Variants in NOTCH2 observed in about 807,000 individuals in gnomAD.
NOTCH2 encodes neurogenic locus notch homolog protein 2.
In NOTCH2, 29 loss-of-function variants were observed where a neutral mutation model predicts 235.8. The ratio of observed to expected loss-of-function variants is 0.12; its 90% confidence interval spans 0.09 to 0.17. NOTCH2 has a LOEUF of 0.17. Among genes scored for constraint, NOTCH2 ranks in the 10% least tolerant of loss-of-function variants. NOTCH2 has a pLI of 1.00. For missense variants in NOTCH2, 2,285 were observed against 3,150.2 expected, an observed-to-expected ratio of 0.73 and a Z score of 6.57; for synonymous variants, 1,086 against 1,141.5, an observed-to-expected ratio of 0.95 and a Z score of 0.98.
rs1489885789 is a variant in NOTCH2, at chr1:120,009,797, C to A, written c.156-4209G>T. 3.3e-5 allele frequency among the ~76,000 whole-genome samples: 5 copies of A among 150,030 alleles called. No homozygotes were observed. The East Asian group carries it at 9.7e-4, about 29-fold the overall frequency. Reference sequence around the variant, plus strand: ...ACTCAAAACCCAGTGAAGTCTTAGTCTGGATTGCTGATTTCTCCTTCTTCC... The same window carrying A: ...ACTCAAAACCCAGTGAAGTCTTAGTATGGATTGCTGATTTCTCCTTCTTCC... On this transcript the variant is annotated intron_variant, in intron 2 of 33. Coordinates refer to ENST00000256646, the MANE Select transcript of NOTCH2 (RefSeq NM_024408.4).
intron 21 of NOTCH2, 118 bp from the exon 22 acceptor site, chr1:119,935,722 T>C (rs1553195668): frequency 1.7e-6 from 2 of 1,148,866 alleles, no homozygotes; most frequent in Admixed American, 1.9e-5. Flanking sequence ...ATTTAGCTTT[T>C]GTATGTTTTC....
At position 119,948,494 on chromosome 1, in the gene NOTCH2, G is replaced by A. The variant is rs781871444; in HGVS notation, c.2672C>T (p.Thr891Ile). The A allele has an allele frequency of 2.5e-6, 4 of 1,614,134 alleles. No individual in the cohort carries two copies. The East Asian group carries it at 8.9e-5, about 36-fold the overall frequency. The change falls in exon 17 of 34, where the codon ACC becomes ATC. Residue 891 changes from threonine (T) to isoleucine (I), a missense_variant. By Grantham distance (89) the Thr-to-Ile change is moderately conservative. Around this residue, in one of 6 missense-constraint regions of NOTCH2, gnomAD observed 1,173 missense variants for 1,515.3 expected, o/e 0.77. Coordinates refer to ENST00000256646, the MANE Select transcript of NOTCH2 (RefSeq NM_024408.4). ...PCMNHGLCHN[T>I]QGSYMCECPP... is the part of the protein sequence containing the mutation. ...ACATTCACACATGTAGCTGCCCTGG[G>A]TGTTATGGCAGAGACCATGGTTCAT...
At chr1:119,959,271 A>G (rs1650845931) in intron 12 of NOTCH2, 121 bp downstream of exon 12, 1 of 710,470 alleles carries the variant, frequency 1.4e-6, no homozygotes, top group Admixed American at 2.1e-5. Context: ...AGAGAAACAG[A>G]CTACTAACCC....
chr1:119,964,547 G>A (rs1399693204), intron 10 of NOTCH2, among the ~76,000 whole-genome samples: 3 of 152,148 alleles, frequency 2.0e-5, no homozygotes, highest in African/African-American at 7.2e-5. Flanking sequence ...CAAAAAGAAA[G>A]AAAGTGGCTC....
In NOTCH2 at chr1:120,053,280, TCTC is replaced by T. The variant is rs1419175259; in HGVS notation, c.73+16051_73+16053del. ...TGCTCAGGAATTACAAGTACAATAA[TCTC>T]CTCAACCTCCCCTAGCCTTTCCTAG... On this transcript the variant is annotated intron_variant, in intron 1 of 33. Coordinates refer to ENST00000256646, the MANE Select transcript of NOTCH2 (RefSeq NM_024408.4). Among the ~76,000 whole-genome samples the T allele has an allele frequency of 6.1e-5, 2 of 32,866 alleles. 1 individual carries two copies. Among genetic ancestry groups the T allele is most frequent in the Admixed American group, 6.0e-4 (2 of 3,358 alleles). The allele number at this position is 32,866 out of a possible 152,430, so 21.6% of individuals were successfully genotyped here.
Position 119,922,450 on chromosome 1 carries a change from A to C in NOTCH2, c.5003-4T>G. 1 of 1,610,420 alleles carries C rather than the reference A, an allele frequency of 6.2e-7. No homozygotes were observed. Among genetic ancestry groups the C allele is most frequent in the Admixed American group, 1.7e-5 (1 of 59,206 alleles). ...CGTTCTGGAGTCAGGGATTCACCTG[A>C]AAGTCCACAGAGACAGGGAAAGTGC... On this transcript the variant is annotated splice_region_variant and splice_polypyrimidine_tract_variant and intron_variant, in intron 27 of 33. Coordinates refer to ENST00000256646, the MANE Select transcript of NOTCH2 (RefSeq NM_024408.4).
chr1:119,966,316 C>T, intron 9 of NOTCH2, 60 bp downstream of exon 9: 1 of 1,098,890 alleles, frequency 9.1e-7, no homozygotes, highest in East Asian at 2.4e-5. Flanking sequence ...CTGCTCTCTT[C>T]CCTGTGGTCA....
rs1649820092 is a variant in NOTCH2, at chr1:119,935,579, T to C, written c.3548A>G (p.Asn1183Ser). The C allele has an allele frequency of 6.2e-7, 1 of 1,614,168 alleles. No individual in the cohort carries two copies. The highest frequency in any genetic ancestry group is 8.5e-7 in the Non-Finnish European group (1 of 1,180,018). ...CECVPGYQGVNCEYEVDECQN... is the reference protein window; with the variant it reads ...CECVPGYQGVSCEYEVDECQN... ...GCACTCATCCACTTCATACTCACAG[T>C]TGACACCCTGATAGCCTGGGACACA... Residue 1183 changes from asparagine (N) to serine (S), a missense_variant, in exon 22 of 34, where the codon AAC becomes AGC. This residue lies in a region of NOTCH2 where 1,173 missense variants were observed against 1,515.3 expected (regional missense o/e 0.77). Transcript: ENST00000256646.
At chr1:119,923,383 G>T (rs1419418286) in intron 26 of NOTCH2, among the ~76,000 whole-genome samples, 8 of 152,184 alleles carry the variant, frequency 5.3e-5, no homozygotes, top group Non-Finnish European at 1.2e-4. Flanking sequence ...CTGGCAAAAG[G>T]TTATGGATTC....
intron 19 of NOTCH2, among the ~76,000 whole-genome samples, chr1:119,938,298 T>C (rs1286264669): frequency 6.6e-6 from 1 of 151,940 alleles, no homozygotes; most frequent in Non-Finnish European, 1.5e-5. Flanking sequence ...CTAATTGATA[T>C]AAAAAAGAGT....
chr1:119,955,932 T>C (rs1188035535), intron 12 of NOTCH2, among the ~76,000 whole-genome samples: 3 of 152,230 alleles, frequency 2.0e-5, no homozygotes, highest in Non-Finnish European at 4.4e-5. Flanking sequence ...TGGAGATTCC[T>C]AGGCCCTATC....
At chr1:119,957,700 G>C (rs587611149) in intron 12 of NOTCH2, among the ~76,000 whole-genome samples, 19 of 152,152 alleles carry the variant, frequency 1.2e-4, no homozygotes, top group African/African-American at 4.1e-4. Flanking sequence ...TACACCTTAG[G>C]TTTATTTTAG....
At chr1:119,961,468 T>C (rs1164675056) in intron 11 of NOTCH2, among the ~76,000 whole-genome samples, 1 of 152,174 alleles carries the variant, frequency 6.6e-6, no homozygotes, top group Non-Finnish European at 1.5e-5. Flanking sequence ...GCCAATGAGA[T>C]TCTCTCATTA....
At chr1:120,028,674 G>A (rs1417047834) in intron 2 of NOTCH2, among the ~76,000 whole-genome samples, 11 of 138,560 alleles carry the variant, frequency 7.9e-5, no homozygotes, top group African/African-American at 1.1e-4. Context: ...AGATCTCACT[G>A]GAAAAAAGTT....
chr1:119,987,267 A>C (rs587640441), intron 4 of NOTCH2, among the ~76,000 whole-genome samples, 185 bp from the exon 5 acceptor site: 8 of 152,300 alleles, frequency 5.3e-5, no homozygotes, highest in Admixed American at 1.3e-4. Flanking sequence ...AAGCATAGCT[A>C]GACAGTGAAA....
chr1:119,986,825 A>T (rs1652037649), intron 5 of NOTCH2, 135 bp downstream of exon 5: 1 of 1,081,974 alleles, frequency 9.2e-7, no homozygotes. Context: ...ATGATCTAGC[A>T]TGGAGATCCT....
chr1:120,027,446 T>C (rs1448313542), intron 2 of NOTCH2, among the ~76,000 whole-genome samples: 2 of 148,692 alleles, frequency 1.3e-5, no homozygotes, highest in African/African-American at 5.0e-5. Context: ...CTGAATGCTA[T>C]GTGAAGTAAA....
intron 12 of NOTCH2, among the ~76,000 whole-genome samples, chr1:119,957,426 C>T (rs1650746734): frequency 6.6e-6 from 1 of 152,092 alleles, no homozygotes; most frequent in Non-Finnish European, 1.5e-5. Flanking sequence ...TCTAAGAGAA[C>T]AGATAACTTA....
chr1:120,014,542 G>A (rs1553207576), intron 2 of NOTCH2, among the ~76,000 whole-genome samples: 1 of 137,278 alleles, frequency 7.3e-6, no homozygotes, highest in African/African-American at 2.9e-5. Context: ...TCCTCCTAAT[G>A]GAACTAGAAA....
Sources: gnomAD v4.1 joint callset for allele counts (sites outside exome capture counted in the v4.1 genomes callset) on GRCh38, gnomAD v4.1.1 for gene constraint, gnomAD v4.1.1 regional missense constraint, MANE v1.5 for transcripts, NCBI Gene and HGNC (gene_info 2026-07-23, HGNC 2026-07-21) for gene names.